MAN2A1: variants seen among roughly 807,000 people sequenced by gnomAD.
MAN2A1 encodes alpha-mannosidase 2.
In MAN2A1, 76 loss-of-function variants were observed where a neutral mutation model predicts 142.6. That is an observed-to-expected ratio of 0.53 (90% CI 0.44 to 0.65). MAN2A1 has a LOEUF of 0.65. MAN2A1 is among the 30% of genes least tolerant of loss of function. The probability of loss-of-function intolerance (pLI) is 0.00; values close to 1 mark genes in which losing one functional copy is unlikely to be tolerated. For synonymous variants in MAN2A1, 559 were observed against 473.2 expected (o/e 1.18, Z -2.35); for missense variants, 1,311 against 1,365.1 (o/e 0.96, Z 0.62).
At chr5:109,826,115 A>T (rs1754752920) in intron 16 of MAN2A1, among the ~76,000 whole-genome samples, 1 of 151,850 alleles carries the variant, frequency 6.6e-6, no homozygotes, top group South Asian at 2.1e-4. Flanking sequence ...CATGTTGGTC[A>T]GGCTGGTCTC....
intron 4 of MAN2A1, among the ~76,000 whole-genome samples, chr5:109,752,699 G>C (rs1380924536): frequency 2.0e-5 from 3 of 152,172 alleles, no homozygotes; most frequent in African/African-American, 7.2e-5. Context: ...GAAAGATAGG[G>C]TAGAAGAAAA....
At position 109,809,789 on chromosome 5, in the gene MAN2A1, C is replaced by T. The variant is rs150330183; in HGVS notation, c.1944-7484C>T. ...TCCCTTTCCTTAGTTTTGGGAAATT[C>T]TCAGCTATTCAGGTAATTATATTGT... On this transcript the variant is annotated intron_variant, in intron 12 of 21. Coordinates refer to ENST00000261483, the MANE Select transcript of MAN2A1 (RefSeq NM_002372.4). Among the ~76,000 whole-genome samples, 1,021 of 152,196 alleles carry T rather than the reference C, an allele frequency of 6.7e-3. 17 individuals carry two copies. The highest frequency in any genetic ancestry group is 0.023 in the African/African-American group (955 of 41,520).
At chr5:109,732,109 C>T (rs1751931510) in intron 4 of MAN2A1, among the ~76,000 whole-genome samples, 1 of 151,562 alleles carries the variant, frequency 6.6e-6, no homozygotes, top group East Asian at 1.9e-4. Context: ...TCTCTGATGG[C>T]CAGTGATGGT....
At chr5:109,817,034 C>CT (rs1754479109) in intron 12 of MAN2A1, among the ~76,000 whole-genome samples, 1 of 152,078 alleles carries the variant, frequency 6.6e-6, no homozygotes, top group South Asian at 2.1e-4. Flanking sequence ...GTAGCATGCA[C>CT]TACACCTGCT....
rs531704215 is a variant in MAN2A1 at position 109,746,264 on chromosome 5, C to G, written c.708-9065C>G. 1.6e-3 allele frequency among the ~76,000 whole-genome samples: 247 copies of G among 152,292 alleles called. 3 individuals carry two copies. Among genetic ancestry groups the G allele is most frequent in the African/African-American group, 5.6e-3 (233 of 41,560 alleles). On this transcript the variant is annotated intron_variant, in intron 4 of 21. Transcript: ENST00000261483. ...TGCTGAGATTACAGATGTGAACCAC[C>G]GCGTCTGGCCTCAGTTTTGTTAGTT...
intron 8 of MAN2A1, among the ~76,000 whole-genome samples, chr5:109,776,826 T>C (rs1158932493): frequency 3.3e-5 from 5 of 152,162 alleles, no homozygotes. Flanking sequence ...TCTTGAATTT[T>C]ATACGATGGG....
chr5:109,730,852 GTCT>G (rs1190578860), intron 4 of MAN2A1, among the ~76,000 whole-genome samples: 1 of 152,170 alleles, frequency 6.6e-6, no homozygotes, highest in East Asian at 1.9e-4. Context: ...TCCAGAGGCT[GTCT>G]TCTTTGCACA....
At chr5:109,791,928 A>G (rs1372245517) in intron 12 of MAN2A1, among the ~76,000 whole-genome samples, 1 of 152,126 alleles carries the variant, frequency 6.6e-6, no homozygotes, top group East Asian at 1.9e-4. Context: ...CTTTGTAAGT[A>G]TTTAAAAAGT....
intron 1 of MAN2A1, among the ~76,000 whole-genome samples, chr5:109,697,269 G>T (rs577210742): frequency 6.6e-6 from 1 of 152,148 alleles, no homozygotes; most frequent in Non-Finnish European, 1.5e-5. Context: ...GATGATTCTG[G>T]TTACAACATT....
Position 109,755,406 on chromosome 5 carries a change from C to G in MAN2A1, c.785C>G (p.Ala262Gly), listed in dbSNP as rs200956110. The G allele has an allele frequency of 8.9e-5, 143 of 1,610,510 alleles. No homozygotes were observed. Among genetic ancestry groups the G allele is most frequent in the Non-Finnish European group, 1.2e-4 (139 of 1,176,974 alleles). Residue 262 changes from alanine to glycine, a missense_variant, in exon 5 of 22, where the codon GCC (alanine) becomes GGC (glycine). By Grantham distance (60) the Ala-to-Gly change is moderately conservative. Coordinates refer to ENST00000261483, the MANE Select transcript of MAN2A1 (RefSeq NM_002372.4). Reference protein sequence around the residue: ...MPDEATPHYFALIDQLIEGHQ... With the variant: ...MPDEATPHYFGLIDQLIEGHQ... Reference sequence around the variant, plus strand: ...GATGAAGCTACTCCACATTATTTTGCCTTAATTGATCAACTAATTGAAGGA... The same window carrying G: ...GATGAAGCTACTCCACATTATTTTGGCTTAATTGATCAACTAATTGAAGGA...
chr5:109,805,136 TTTTG>T (rs1186653364), intron 12 of MAN2A1, among the ~76,000 whole-genome samples: 2 of 152,180 alleles, frequency 1.3e-5, no homozygotes, highest in Admixed American at 1.3e-4. Context: ...CAGATGGTAT[TTTTG>T]TTTGAGGCAA....
intron 1 of MAN2A1, among the ~76,000 whole-genome samples, chr5:109,703,774 A>G (rs530037130): frequency 6.6e-6 from 1 of 152,286 alleles, no homozygotes; most frequent in African/African-American, 2.4e-5. Context: ...TAATCTACAC[A>G]TTTTGCCCTA....
chr5:109,783,222 C>T (rs1322789951), intron 9 of MAN2A1, among the ~76,000 whole-genome samples: 2 of 152,064 alleles, frequency 1.3e-5, no homozygotes, highest in African/African-American at 4.8e-5. Context: ...AATCCTGCTG[C>T]ATTAAAACAA....
rs1465119070 is a variant in MAN2A1, at chr5:109,867,669, G to A, written c.*671G>A. The stretch of plus-strand genomic sequence containing the variant: ...AGGCATATTTTCATTACTTGACAAT[G>A]TGGGATGGGTGCAATTTATTCCATC... On this transcript the variant is annotated 3_prime_UTR_variant, in exon 22 of 22. Coordinates refer to ENST00000261483, the MANE Select transcript of MAN2A1 (RefSeq NM_002372.4). 6.6e-6 allele frequency: 1 copy of A among 152,506 alleles called. No homozygotes were observed. The highest frequency in any genetic ancestry group is 2.4e-5 in the African/African-American group (1 of 41,392). The allele number at this position is 152,506 out of a possible 1,614,324, so 9.4% of individuals were successfully genotyped here.
At chr5:109,850,637 A>T (rs1264832742) in intron 19 of MAN2A1, among the ~76,000 whole-genome samples, 1 of 152,170 alleles carries the variant, frequency 6.6e-6, no homozygotes, top group East Asian at 1.9e-4. Flanking sequence ...CTCCTGAAAA[A>T]GTTTCTCGCT....
intron 19 of MAN2A1, among the ~76,000 whole-genome samples, chr5:109,853,259 A>G (rs1317369081): frequency 6.6e-6 from 1 of 152,072 alleles, no homozygotes; most frequent in East Asian, 1.9e-4. Flanking sequence ...AGGGTCATGG[A>G]GCAGTGTGCG....
intron 3 of MAN2A1, among the ~76,000 whole-genome samples, chr5:109,720,741 A>C (rs922228692): frequency 6.6e-6 from 1 of 152,232 alleles, no homozygotes; most frequent in Non-Finnish European, 1.5e-5. Flanking sequence ...GTTGAGATGC[A>C]TTCAAAGCCG....
chr5:109,728,558 G>C (rs1292400126), intron 3 of MAN2A1, among the ~76,000 whole-genome samples: 3 of 151,940 alleles, frequency 2.0e-5, no homozygotes, highest in Non-Finnish European at 4.4e-5. Flanking sequence ...TGCACCTGTT[G>C]GTGTTAAAAA....
intron 4 of MAN2A1, among the ~76,000 whole-genome samples, chr5:109,734,084 G>C (rs1230642570): frequency 2.0e-5 from 3 of 152,088 alleles, no homozygotes; most frequent in Non-Finnish European, 4.4e-5. Flanking sequence ...TCCTGGTTTA[G>C]TCTTGGGAGG....
Sources: allele counts gnomAD v4.1 joint callset (sites outside exome capture counted in the v4.1 genomes callset), GRCh38; gene constraint gnomAD v4.1.1; transcripts MANE v1.5; gene names NCBI Gene and HGNC (gene_info 2026-07-23, HGNC 2026-07-21).